NCOA1: variants seen among roughly 807,000 people sequenced by gnomAD.
NCOA1 encodes Hin-2 protein.
A neutral mutation model predicts 150.9 loss-of-function variants in NCOA1; 35 were observed. The observed-to-expected ratio is 0.23, with a 90% CI of 0.18 to 0.31. The LOEUF (loss-of-function observed/expected upper bound fraction) is 0.31, where lower values mean the gene tolerates loss of function less well. Among genes scored for constraint, NCOA1 ranks in the 10% least tolerant of loss-of-function variants. The probability of loss-of-function intolerance (pLI) is 1.00; values close to 1 mark genes in which losing one functional copy is unlikely to be tolerated. For missense variants in NCOA1, 1,491 were observed against 1,749.3 expected (o/e 0.85, Z 2.63); for synonymous variants, 590 against 630.0 (o/e 0.94, Z 0.95).
chr2:24,652,670 G>C (rs1670760996), intron 4 of NCOA1, among the ~76,000 whole-genome samples: 1 of 152,002 alleles, frequency 6.6e-6, no homozygotes, highest in African/African-American at 2.4e-5. Context: ...GTTTAGTCTG[G>C]TACATTTGAA....
At position 24,544,683 on chromosome 2, in the gene NCOA1, G is replaced by T. The variant is rs770337532; in HGVS notation, c.-395-19612G>T. Among the ~76,000 whole-genome samples the T allele has an allele frequency of 2.2e-4, 33 of 152,160 alleles. 1 individual carries two copies. The highest frequency in any genetic ancestry group is 1.0e-4 in the Non-Finnish European group (7 of 68,026). On this transcript the variant is annotated intron_variant, in intron 1 of 22. Coordinates refer to ENST00000348332, the MANE Select transcript of NCOA1 (RefSeq NM_003743.5). ...GAGCTCAGGAAGTTGAGGCCACAGT[G>T]AGCCATGATTGTGCTGCTGCACTCC...
intron 13 of NCOA1, among the ~76,000 whole-genome samples, chr2:24,709,382 T>A (rs1339812414): frequency 6.6e-6 from 1 of 152,204 alleles, no homozygotes; most frequent in Admixed American, 6.5e-5. Flanking sequence ...ATTATCAATA[T>A]TTTAGATTTT....
intron 3 of NCOA1, among the ~76,000 whole-genome samples, chr2:24,642,568 A>G (rs1303025962): frequency 6.6e-6 from 1 of 152,134 alleles, no homozygotes; most frequent in Non-Finnish European, 1.5e-5. Flanking sequence ...ATCTTCTAGT[A>G]GACAGCTAAA....
At chr2:24,505,139 A>G (rs1401592114) in intron 1 of NCOA1, among the ~76,000 whole-genome samples, 5 of 150,924 alleles carry the variant, frequency 3.3e-5, no homozygotes, top group East Asian at 1.9e-4. Context: ...TCAATCCTGA[A>G]CTTTTTAAAC....
intron 3 of NCOA1, among the ~76,000 whole-genome samples, chr2:24,588,827 C>G (rs1305157629): frequency 6.6e-6 from 1 of 152,196 alleles, no homozygotes. Context: ...GTTGAATTCT[C>G]AGATATAATA....
intron 19 of NCOA1, among the ~76,000 whole-genome samples, chr2:24,744,953 C>G (rs1663816598): frequency 6.6e-6 from 1 of 152,156 alleles, no homozygotes; most frequent in African/African-American, 2.4e-5. Flanking sequence ...CAACGGATAA[C>G]TGCATTAGCT....
intron 7 of NCOA1, among the ~76,000 whole-genome samples, chr2:24,678,412 G>T (rs1672017818): frequency 6.6e-6 from 1 of 152,188 alleles, no homozygotes; most frequent in Non-Finnish European, 1.5e-5. Context: ...TCAGTAATGG[G>T]ATTGCTGGGT....
At chr2:24,550,337 A>G (rs1417713948) in intron 1 of NCOA1, among the ~76,000 whole-genome samples, 1 of 152,248 alleles carries the variant, frequency 6.6e-6, no homozygotes, top group Non-Finnish European at 1.5e-5. Flanking sequence ...CATACCCAAG[A>G]CAGGGCAATT....
chr2:24,707,613 G>C lies in NCOA1; in HGVS notation c.2143G>C (p.Ala715Pro). The change falls in exon 13 of 23, where the codon GCA becomes CCA. Residue 715 changes from alanine to proline, a missense_variant. Coordinates refer to ENST00000348332, the MANE Select transcript of NCOA1 (RefSeq NM_003743.5). ...LSVEPDKKDS[A>P]STSVSVTGQV... ...TGTCGAGCCTGATAAAAAGGACAGTGCATCTACTTCTGTGTCAGTGACTGG... is the reference window on the plus strand; with the variant it reads ...TGTCGAGCCTGATAAAAAGGACAGTCCATCTACTTCTGTGTCAGTGACTGG... The C allele has an allele frequency of 6.2e-7, 1 of 1,614,192 alleles. No individual in the cohort carries two copies. The highest frequency in any genetic ancestry group is 8.5e-7 in the Non-Finnish European group (1 of 1,180,036).
At chr2:24,628,242 G>A (rs891658850) in intron 3 of NCOA1, among the ~76,000 whole-genome samples, 1 of 151,396 alleles carries the variant, frequency 6.6e-6, no homozygotes, top group Non-Finnish European at 1.5e-5. Context: ...AGAGGTTGCA[G>A]TGAGCCAAGA....
Position 24,637,156 on chromosome 2 carries a change from T to A in NCOA1, c.-174-6810T>A, listed in dbSNP as rs923994897. On this transcript the variant is annotated intron_variant, in intron 3 of 22. Transcript: ENST00000348332. Reference sequence around the variant, plus strand: ...TGCAGGTTAGTTACATATGTATACATGTGCCATGCTGGTGTGCTGCACCCA... The same window carrying A: ...TGCAGGTTAGTTACATATGTATACAAGTGCCATGCTGGTGTGCTGCACCCA... 4.6e-5 allele frequency among the ~76,000 whole-genome samples: 7 copies of A among 151,254 alleles called. No homozygotes were observed. In the South Asian group the frequency reaches 1.5e-3, roughly 32 times the overall value.
intron 1 of NCOA1, among the ~76,000 whole-genome samples, chr2:24,507,444 T>TTG (rs1301453778): frequency 6.6e-6 from 1 of 151,242 alleles, no homozygotes; most frequent in Non-Finnish European, 1.5e-5. Flanking sequence ...GGTTTTTTTT[T>TTG]TTTTTTTTTT....
intron 1 of NCOA1, among the ~76,000 whole-genome samples, chr2:24,546,377 G>A (rs1342354461): frequency 1.3e-5 from 2 of 152,124 alleles, no homozygotes; most frequent in Non-Finnish European, 2.9e-5. Context: ...CCTGTGCTGA[G>A]TTCTGATTTA....
chr2:24,590,393 A>C (rs1274755443), intron 3 of NCOA1, among the ~76,000 whole-genome samples: 4 of 152,166 alleles, frequency 2.6e-5, no homozygotes, highest in Non-Finnish European at 4.4e-5. Flanking sequence ...TATGCTTCTA[A>C]AACATATTAT....
intron 1 of NCOA1, among the ~76,000 whole-genome samples, chr2:24,524,810 A>G (rs1664583112): frequency 6.7e-6 from 1 of 150,178 alleles, no homozygotes; most frequent in African/African-American, 2.5e-5. Context: ...GGGTTTCACC[A>G]TGTTGGCCAC....
chr2:24,506,725 A>G (rs989797395), intron 1 of NCOA1, among the ~76,000 whole-genome samples: 6 of 152,204 alleles, frequency 3.9e-5, no homozygotes, highest in Admixed American at 3.3e-4. Flanking sequence ...GCAAGTATGT[A>G]TCCACATACT....
chr2:24,600,247 G>T (rs576646027), intron 3 of NCOA1, among the ~76,000 whole-genome samples: 3 of 152,246 alleles, frequency 2.0e-5, no homozygotes, highest in Admixed American at 2.0e-4. Context: ...CTGTCGCCCA[G>T]GCTGGAGTGC....
At chr2:24,700,522 A>T (rs1330780471) in intron 11 of NCOA1, among the ~76,000 whole-genome samples, 2 of 152,180 alleles carry the variant, frequency 1.3e-5, no homozygotes, top group Non-Finnish European at 2.9e-5. Context: ...AAAGGAGTTT[A>T]CTATTATATT....
chr2:24,731,169 G>A (rs1662992199), intron 17 of NCOA1, among the ~76,000 whole-genome samples: 1 of 151,972 alleles, frequency 6.6e-6, no homozygotes, highest in Non-Finnish European at 1.5e-5. Flanking sequence ...AGTATTTAAA[G>A]AGGTTCCCTG....
Sources: allele counts gnomAD v4.1 joint callset (sites outside exome capture counted in the v4.1 genomes callset), GRCh38; gene constraint gnomAD v4.1.1; transcripts MANE v1.5; gene names NCBI Gene and HGNC (gene_info 2026-07-23, HGNC 2026-07-21).